The following APC variants were observed in gnomAD, a reference collection of about 807,000 sequenced individuals.
The protein encoded by APC is adenomatous polyposis coli protein.
Under a neutral mutation model 247.0 loss-of-function variants are expected in APC, and 72 were observed. That is an observed-to-expected ratio of 0.29 (90% confidence interval 0.24 to 0.35). APC has a LOEUF of 0.35. Ranked by LOEUF, APC falls within the 10% of genes least tolerant of loss-of-function variation. The pLI is 1.00. For synonymous variants in APC, 1,254 were observed against 1,162.5 expected (o/e 1.08, Z -1.60); for missense variants, 3,400 against 3,360.7 (o/e 1.01, Z -0.29).
rs2149640280 is a variant in APC at position 112,780,859 on chromosome 5, G to A, written c.601G>A (p.Glu201Lys). Residue 201 changes from glutamate to lysine, a missense_variant, in exon 6 of 16, where the codon GAA becomes AAA. Physicochemically the swap from Glu to Lys is moderately conservative, Grantham distance 56. Coordinates refer to ENST00000257430, the MANE Select transcript of APC (RefSeq NM_000038.6). ...AGCAAGGCAAATCAGAGTTGCGATG[G>A]AAGAACAACTAGGTACCTGCCAGGA... ...YEARQIRVAMEEQLGTCQDME... is the reference protein window; with the variant it reads ...YEARQIRVAMKEQLGTCQDME... The A allele has an allele frequency of 6.2e-7, 1 of 1,613,296 alleles. No homozygotes were observed. The highest frequency in any genetic ancestry group is 8.5e-7 in the Non-Finnish European group (1 of 1,179,416).
At position 112,819,296 on chromosome 5, in the gene APC, G is replaced by A. The variant is rs755069015; in HGVS notation, c.1264G>A (p.Glu422Lys). 8 of 1,614,064 alleles carry A rather than the reference G, an allele frequency of 5.0e-6. No homozygotes were observed. The highest frequency in any genetic ancestry group is 5.1e-6 in the Non-Finnish European group (6 of 1,179,986). The change falls in exon 10 of 16, where the codon GAG (glutamate) becomes AAG (lysine). Residue 422 changes from glutamate (E) to lysine (K), a missense_variant. By Grantham distance (56) the Glu-to-Lys change is moderately conservative. This residue lies in a region of APC where 199 missense variants were observed against 212.5 expected (regional missense o/e 0.94). Coordinates refer to ENST00000257430, the MANE Select transcript of APC (RefSeq NM_000038.6). The part of the protein sequence containing the change: ...QIRAYCETCW[E>K]WQEAHEPGMD... ...ACGCGCTTACTGTGAAACCTGTTGG[G>A]AGTGGCAGGAAGCTCATGAACCAGG...
intron 8 of APC, among the ~76,000 whole-genome samples, chr5:112,807,077 G>A (rs1761493410): frequency 6.6e-6 from 1 of 151,212 alleles, no homozygotes; most frequent in African/African-American, 2.4e-5. Flanking sequence ...AGGTTGCAGT[G>A]AGTTGAGATT....
At chr5:112,768,092 G>A (rs996963789) in intron 4 of APC, among the ~76,000 whole-genome samples, 24 of 144,690 alleles carry the variant, frequency 1.7e-4, no homozygotes, top group Admixed American at 1.4e-3. Flanking sequence ...TGCCCAGGCT[G>A]GATTGCAATG....
rs191866536 is a variant in APC at position 112,810,765 on chromosome 5, C to G, written c.835-4730C>G. On this transcript the variant is annotated intron_variant, in intron 8 of 15. Coordinates refer to ENST00000257430, the MANE Select transcript of APC (RefSeq NM_000038.6). Reference sequence around the variant, plus strand: ...ACCACAAGAAATCCAACCTGAAATACATGCTGGATTTGCTAGTCATTTCAA... The same window carrying G: ...ACCACAAGAAATCCAACCTGAAATAGATGCTGGATTTGCTAGTCATTTCAA... 2.0e-4 allele frequency among the ~76,000 whole-genome samples: 31 copies of G among 152,310 alleles called. No homozygotes were observed. In the South Asian group the frequency reaches 2.3e-3, roughly 11 times the overall value.
At chr5:112,833,869 C>G (rs1290048730) in intron 14 of APC, among the ~76,000 whole-genome samples, 1 of 152,148 alleles carries the variant, frequency 6.6e-6, no homozygotes, top group African/African-American at 2.4e-5. Flanking sequence ...ATTGTATATA[C>G]TACACTGCAA....
At chr5:112,825,153 G>A (rs574770030) in intron 11 of APC, among the ~76,000 whole-genome samples, 5 of 152,136 alleles carry the variant, frequency 3.3e-5, no homozygotes, top group South Asian at 4.1e-4. Flanking sequence ...AATCATTCAC[G>A]ATGCCATCCT....
intron 2 of APC, among the ~76,000 whole-genome samples, chr5:112,762,807 A>T (rs1207177177): frequency 2.0e-5 from 3 of 152,238 alleles, no homozygotes; most frequent in Non-Finnish European, 4.4e-5. Context: ...TGTATTTTAC[A>T]TATGTGTGTT....
At chr5:112,731,807 G>A (rs1423292621) in intron 1 of APC, among the ~76,000 whole-genome samples, 1 of 152,076 alleles carries the variant, frequency 6.6e-6, no homozygotes, top group Non-Finnish European at 1.5e-5. Context: ...TGTTGCCCAG[G>A]CTGCAGTGCA....
intron 2 of APC, among the ~76,000 whole-genome samples, chr5:112,755,474 G>A (rs1257430359): frequency 6.6e-6 from 1 of 152,176 alleles, no homozygotes; most frequent in Admixed American, 6.5e-5. Context: ...GAAGAGCCAT[G>A]AACTGAAAGT....
chr5:112,746,118 T>C (rs995080518), intron 1 of APC, among the ~76,000 whole-genome samples: 9 of 151,650 alleles, frequency 5.9e-5, no homozygotes, highest in Non-Finnish European at 1.0e-4. Flanking sequence ...ACTCTGACAA[T>C]ACATTTGAAA....
At chr5:112,789,368 A>T (rs1759322290) in intron 6 of APC, among the ~76,000 whole-genome samples, 1 of 152,138 alleles carries the variant, frequency 6.6e-6, no homozygotes, top group Non-Finnish European at 1.5e-5. Flanking sequence ...TTTTTGTATT[A>T]GGTATAGGGA....
intron 2 of APC, 149 bp downstream of exon 2, chr5:112,755,174 T>TCTTA: frequency 8.6e-7 from 1 of 1,159,972 alleles, no homozygotes; most frequent in Non-Finnish European, 1.2e-6. Flanking sequence ...AGCATTTATA[T>TCTTA]TTTTAAATAA....
intron 7 of APC, among the ~76,000 whole-genome samples, chr5:112,797,785 A>G (rs1760370047): frequency 1.3e-5 from 2 of 152,218 alleles, no homozygotes; most frequent in Admixed American, 1.3e-4. Flanking sequence ...AGATTTAAAT[A>G]GGCATTTCAC....
rs1765464418 is a variant in APC at position 112,839,185 on chromosome 5, C to G, written c.3591C>G (p.Phe1197Leu). The change falls in exon 16 of 16, where the codon TTC becomes TTG. Residue 1197 changes from phenylalanine (F) to leucine (L), a missense_variant. By Grantham distance (22) the Phe-to-Leu change is conservative. Around this residue, in one of 9 missense-constraint regions of APC, gnomAD observed 715 missense variants for 656.6 expected, o/e 1.09. Transcript: ENST00000257430. This position sits in a 1 kb window ranked among gnomAD's most constrained non-coding sequence, Gnocchi z 5.0. ...CATCACAGAAACAGTCATTTTCATT[C>G]TCAAAGAGTTCATCTGGACAAAGCA... ...IPSSQKQSFS[F>L]SKSSSGQSSK... 1.2e-6 allele frequency: 2 copies of G among 1,614,104 alleles called. No homozygotes were observed. The highest frequency in any genetic ancestry group is 1.7e-6 in the Non-Finnish European group (2 of 1,180,028).
At chr5:112,817,943 TA>T (rs1164395538) in intron 9 of APC, among the ~76,000 whole-genome samples, 1 of 152,214 alleles carries the variant, frequency 6.6e-6, no homozygotes, top group Non-Finnish European at 1.5e-5. Context: ...CTTTCATATC[TA>T]AAGGTGTATG....
chr5:112,844,179 T>C lies in APC; in HGVS notation c.*53T>C. The C allele has an allele frequency of 6.7e-7, 1 of 1,481,634 alleles. No homozygotes were observed. The highest frequency in any genetic ancestry group is 9.3e-7 in the Non-Finnish European group (1 of 1,077,520). The allele number at this position is 1,481,634 out of a possible 1,614,324, so 91.8% of individuals were successfully genotyped here. On this transcript the variant is annotated 3_prime_UTR_variant, in exon 16 of 16. Coordinates refer to ENST00000257430, the MANE Select transcript of APC (RefSeq NM_000038.6). ...TTCTATGTTAATTACAACTGCTATATAGACATTTTGTTTCAAATGAAACTT... is the reference window on the plus strand; with the variant it reads ...TTCTATGTTAATTACAACTGCTATACAGACATTTTGTTTCAAATGAAACTT...
chr5:112,741,653 T>C (rs981899915), intron 1 of APC, among the ~76,000 whole-genome samples: 7 of 152,224 alleles, frequency 4.6e-5, no homozygotes, highest in African/African-American at 1.7e-4. Flanking sequence ...TAAGCACTTT[T>C]AATTGTACAG....
At chr5:112,780,647 T>G (rs1467589660) in intron 5 of APC, 143 bp from the exon 6 acceptor site, 2 of 622,998 alleles carry the variant, frequency 3.2e-6, no homozygotes, top group Non-Finnish European at 5.8e-6. Flanking sequence ...AAACACTCCT[T>G]GGAGTAAAAA....
intron 4 of APC, among the ~76,000 whole-genome samples, chr5:112,770,606 A>G (rs1273575400): frequency 6.6e-6 from 1 of 152,136 alleles, no homozygotes; most frequent in Non-Finnish European, 1.5e-5. Context: ...ACTGATCATT[A>G]GTATCACTAG....
Sources: allele counts gnomAD v4.1 joint callset (sites outside exome capture counted in the v4.1 genomes callset), GRCh38; gene constraint gnomAD v4.1.1; regional missense constraint gnomAD v4.1.1; non-coding constraint Gnocchi (gnomAD v3.1); transcripts MANE v1.5; gene names NCBI Gene and HGNC (gene_info 2026-07-23, HGNC 2026-07-21).